The following CDH13 variants were observed in gnomAD, a reference collection of about 807,000 sequenced individuals.
CDH13 encodes cadherin 13.
Under a neutral mutation model 63.8 loss-of-function variants are expected in CDH13, and 24 were observed. That is an observed-to-expected ratio of 0.38 (90% CI 0.27 to 0.53). The LOEUF (loss-of-function observed/expected upper bound fraction) is 0.53. Among genes scored for constraint, CDH13 ranks in the 20% least tolerant of loss-of-function variants. The pLI, the probability that CDH13 is intolerant of heterozygous loss-of-function variation, is 0.85. For synonymous variants in CDH13, 503 were observed against 355.3 expected, an observed-to-expected ratio of 1.42 and a Z score of -4.67; for missense variants, 1,049 against 903.1, an observed-to-expected ratio of 1.16 and a Z score of -2.07.
intron 6 of CDH13, among the ~76,000 whole-genome samples, chr16:83,442,510 T>C (rs1206219117): frequency 2.6e-5 from 4 of 152,070 alleles, no homozygotes; most frequent in African/African-American, 7.2e-5. Context: ...CAGTGATGGA[T>C]GAGAGAGATC....
chr16:83,749,700 T>C (rs748076706), intron 11 of CDH13, among the ~76,000 whole-genome samples: 4 of 152,124 alleles, frequency 2.6e-5, no homozygotes, highest in Non-Finnish European at 5.9e-5. Flanking sequence ...TGGAGACTCA[T>C]GGATGAATAA....
chr16:83,171,204 C>A (rs2037901891), intron 4 of CDH13, among the ~76,000 whole-genome samples: 1 of 151,968 alleles, frequency 6.6e-6, no homozygotes, highest in Non-Finnish European at 1.5e-5. Context: ...TTCTTCCTGG[C>A]AGAACATGGC....
At chr16:82,809,401 G>C (rs534422038) in intron 1 of CDH13, among the ~76,000 whole-genome samples, 1 of 152,086 alleles carries the variant, frequency 6.6e-6, no homozygotes, top group African/African-American at 2.4e-5. Context: ...TTCCTGAAGA[G>C]GATGCTGCAG....
At chr16:82,971,539 C>G (rs1908745195) in intron 2 of CDH13, among the ~76,000 whole-genome samples, 2 of 152,184 alleles carry the variant, frequency 1.3e-5, no homozygotes, top group Admixed American at 1.3e-4. Context: ...GCATCTAACC[C>G]AGACCTCTGG....
chr16:82,653,028 A>T (rs955084025), intron 1 of CDH13, among the ~76,000 whole-genome samples: 4 of 152,212 alleles, frequency 2.6e-5, no homozygotes, highest in Non-Finnish European at 1.5e-5. Context: ...TGACCCCAGG[A>T]TGTTGTAATT....
chr16:83,140,804 C>G (rs2036498496), intron 4 of CDH13, among the ~76,000 whole-genome samples: 1 of 152,168 alleles, frequency 6.6e-6, no homozygotes, highest in South Asian at 2.1e-4. Context: ...GACTGAAGAG[C>G]ACCTCACGAT....
At chr16:82,818,615 C>A (rs563738435) in intron 1 of CDH13, among the ~76,000 whole-genome samples, 13 of 152,132 alleles carry the variant, frequency 8.5e-5, no homozygotes, top group African/African-American at 2.4e-5. Flanking sequence ...GTTATGATAG[C>A]CAACATTTAC....
At chr16:82,884,945 G>A (rs1363550350) in intron 2 of CDH13, among the ~76,000 whole-genome samples, 2 of 152,086 alleles carry the variant, frequency 1.3e-5, no homozygotes, top group African/African-American at 4.8e-5. Flanking sequence ...TTTCTTTTGG[G>A]GAGAAAATCC....
intron 6 of CDH13, among the ~76,000 whole-genome samples, chr16:83,398,839 A>G (rs537162057): frequency 7.9e-5 from 12 of 152,352 alleles, no homozygotes; most frequent in African/African-American, 2.6e-4. Flanking sequence ...TATTGTGCCC[A>G]TTAAGCCAGA....
chr16:83,667,161 G>A (rs548714943), intron 8 of CDH13, among the ~76,000 whole-genome samples: 84 of 152,134 alleles, frequency 5.5e-4, no homozygotes, highest in African/African-American at 1.5e-3. Context: ...GGTAAATGCC[G>A]TTGTGGACCC....
intron 1 of CDH13, among the ~76,000 whole-genome samples, chr16:82,672,321 T>G (rs1283206978): frequency 1.3e-5 from 2 of 152,212 alleles, no homozygotes; most frequent in Non-Finnish European, 2.9e-5. Flanking sequence ...GATAGATAGC[T>G]AGAATTACTG....
At chr16:82,786,222 C>T (rs1237920268) in intron 1 of CDH13, among the ~76,000 whole-genome samples, 1 of 152,072 alleles carries the variant, frequency 6.6e-6, no homozygotes, top group Non-Finnish European at 1.5e-5. Flanking sequence ...ATTGCACATA[C>T]TGACATATTC....
At chr16:83,087,724 C>T (rs986163098) in intron 3 of CDH13, among the ~76,000 whole-genome samples, 1 of 143,198 alleles carries the variant, frequency 7.0e-6, no homozygotes, top group South Asian at 2.3e-4. Flanking sequence ...TTAGCAAGTT[C>T]CTGTTATTTA....
intron 10 of CDH13, among the ~76,000 whole-genome samples, chr16:83,704,265 T>C (rs1906678761): frequency 1.3e-5 from 2 of 152,120 alleles, no homozygotes; most frequent in South Asian, 2.1e-4. Context: ...TCAGGTTAGG[T>C]TGTTAAGGCA....
chr16:83,623,601 T>A (rs76212380), intron 8 of CDH13, among the ~76,000 whole-genome samples: 16,252 of 152,122 alleles, frequency 0.11, 1,058 homozygotes, highest in Non-Finnish European at 0.15. Flanking sequence ...AACAGGTGTC[T>A]TTGCTAATCG....
At chr16:83,079,559 A>G (rs2033093813) in intron 3 of CDH13, among the ~76,000 whole-genome samples, 1 of 152,240 alleles carries the variant, frequency 6.6e-6, no homozygotes, top group Non-Finnish European at 1.5e-5. Context: ...CAATGTGTGC[A>G]AAGTACCTAG....
chr16:83,206,429 C>T (rs943118329), intron 4 of CDH13, among the ~76,000 whole-genome samples: 6 of 152,204 alleles, frequency 3.9e-5, no homozygotes, highest in African/African-American at 4.8e-5. Flanking sequence ...TCACCCATGA[C>T]GTGCTGCAAT....
intron 2 of CDH13, among the ~76,000 whole-genome samples, chr16:83,019,154 T>C (rs936978597): frequency 5.3e-5 from 8 of 152,256 alleles, no homozygotes; most frequent in Admixed American, 2.0e-4. Context: ...TTTTGGCTCT[T>C]GTGGTAACAC....
At chr16:83,293,963 C>G (rs1567570245) in intron 5 of CDH13, among the ~76,000 whole-genome samples, 1 of 152,112 alleles carries the variant, frequency 6.6e-6, no homozygotes, top group Non-Finnish European at 1.5e-5. Flanking sequence ...ATTATTGTTG[C>G]CCCTGTGAGC....
Sources: gnomAD v4.1 joint callset for allele counts (sites outside exome capture counted in the v4.1 genomes callset) on GRCh38, gnomAD v4.1.1 for gene constraint, MANE v1.5 for transcripts, NCBI Gene and HGNC (gene_info 2026-07-23, HGNC 2026-07-21) for gene names.